The following MAP2K5 variants were observed in gnomAD, a reference collection of about 807,000 sequenced individuals.
The protein encoded by MAP2K5 is mitogen-activated protein kinase kinase 5.
Under a neutral mutation model 83.1 loss-of-function variants are expected in MAP2K5, and 49 were observed. That is an observed-to-expected ratio of 0.59 (90% CI 0.47 to 0.75). The LOEUF (loss-of-function observed/expected upper bound fraction) is 0.75, where lower values mean the gene tolerates loss of function less well. Ranked by LOEUF, MAP2K5 falls within the 30% of genes least tolerant of loss-of-function variation. The pLI is 0.00. For missense variants in MAP2K5, 457 were observed against 557.5 expected, an observed-to-expected ratio of 0.82 and a Z score of 1.82; for synonymous variants, 202 against 191.8, an observed-to-expected ratio of 1.05 and a Z score of -0.44.
intron 21 of MAP2K5, among the ~76,000 whole-genome samples, chr15:67,791,046 G>A (rs376470332): frequency 3.9e-5 from 6 of 152,300 alleles, no homozygotes; most frequent in African/African-American, 1.2e-4. Flanking sequence ...AGCTCCTCAC[G>A]CCATGAATAG....
rs916246989 is a variant in MAP2K5 at position 67,563,644 on chromosome 15, G to A, written c.252+294G>A. ...CTGTATTTTTTATGCAGTACTTAAA[G>A]TAACGGCTCATTAAAAATGAACCCC... On this transcript the variant is annotated intron_variant, in intron 3 of 21. Transcript: ENST00000178640. This position sits in a 1 kb window ranked among gnomAD's most constrained non-coding sequence, Gnocchi z 4.5. Among the ~76,000 whole-genome samples, 2 of 152,042 alleles carry A rather than the reference G, an allele frequency of 1.3e-5. No individual in the cohort carries two copies. The highest frequency in any genetic ancestry group is 2.9e-5 in the Non-Finnish European group (2 of 68,008).
At chr15:67,621,454 A>T (rs1299597045) in intron 8 of MAP2K5, among the ~76,000 whole-genome samples, 2 of 151,140 alleles carry the variant, frequency 1.3e-5, no homozygotes, top group Non-Finnish European at 3.0e-5. Flanking sequence ...AAAAAAGAAC[A>T]AAAGTTAATT....
In MAP2K5 at chr15:67,747,112, AG is replaced by A. The variant is rs1285169029; in HGVS notation, c.1075-1117del. On this transcript the variant is annotated intron_variant, in intron 17 of 21. Coordinates refer to ENST00000178640, the MANE Select transcript of MAP2K5 (RefSeq NM_145160.3). The surrounding 1 kb of genome is among the most constrained non-coding windows in gnomAD (Gnocchi z 4.1). ...CCAGCACCACCACACCCTGGCGCTG[AG>A]GCCTCAGGCCCGGACACTGTCCTCT... Among the ~76,000 whole-genome samples, 4 of 152,234 alleles carry A rather than the reference AG, an allele frequency of 2.6e-5. No individual in the cohort carries two copies. The highest frequency in any genetic ancestry group is 5.9e-5 in the Non-Finnish European group (4 of 68,036).
rs551968793 is a variant in MAP2K5, at chr15:67,693,703, A to G, written c.972+135A>G. Reference sequence around the variant, plus strand: ...AAATTGCAAAGTCAATCTAGTCATGATCTGATTTTTAAATCTTTCTAAAAG... The same window carrying G: ...AAATTGCAAAGTCAATCTAGTCATGGTCTGATTTTTAAATCTTTCTAAAAG... On this transcript the variant is annotated intron_variant, in intron 15 of 21. Transcript: ENST00000178640. The G allele has an allele frequency of 4.2e-5, 27 of 638,748 alleles. No individual in the cohort carries two copies. In the East Asian group the frequency reaches 7.1e-4, roughly 17 times the overall value. The allele number at this position is 638,748 out of a possible 1,614,324, so 39.6% of individuals were successfully genotyped here.
chr15:67,622,123 C>T (rs1217137774), intron 8 of MAP2K5, among the ~76,000 whole-genome samples: 2 of 121,616 alleles, frequency 1.6e-5, no homozygotes, highest in African/African-American at 6.4e-5. Context: ...CCAGCCTGGG[C>T]AACAGAGTGA....
chr15:67,608,960 C>T (rs1221221530), intron 8 of MAP2K5, among the ~76,000 whole-genome samples: 1 of 152,158 alleles, frequency 6.6e-6, no homozygotes, highest in African/African-American at 2.4e-5. Context: ...CAGGAATTTA[C>T]CTGCAGAGGC....
At chr15:67,626,175 A>G (rs1459652213) in intron 8 of MAP2K5, among the ~76,000 whole-genome samples, 3 of 152,312 alleles carry the variant, frequency 2.0e-5, no homozygotes, top group African/African-American at 7.2e-5. Context: ...ACAAAGTCTT[A>G]CGTATTATGT....
intron 16 of MAP2K5, among the ~76,000 whole-genome samples, chr15:67,709,997 G>A (rs964660019): frequency 6.6e-6 from 1 of 152,150 alleles, no homozygotes; most frequent in African/African-American, 2.4e-5. Flanking sequence ...TAATCTGACA[G>A]ACTTTTCTAT....
intron 13 of MAP2K5, among the ~76,000 whole-genome samples, chr15:67,673,581 T>C (rs1804878094): frequency 6.6e-6 from 1 of 152,080 alleles, no homozygotes; most frequent in Non-Finnish European, 1.5e-5. Context: ...TGTGTAAAAG[T>C]TGGGATTTGG....
At position 67,724,710 on chromosome 15, in the gene MAP2K5, C is replaced by A. The variant is rs942436194; in HGVS notation, c.1045-3206C>A. On this transcript the variant is annotated intron_variant, in intron 16 of 21. Coordinates refer to ENST00000178640, the MANE Select transcript of MAP2K5 (RefSeq NM_145160.3). This position sits in a 1 kb window ranked among gnomAD's most constrained non-coding sequence, Gnocchi z 4.4. ...TTTCTATAAGACAAATAGTGTGGAA[C>A]ATAAACACTGTAGCTGCATTAGACC... Among the ~76,000 whole-genome samples the A allele has an allele frequency of 3.3e-5, 5 of 152,172 alleles. No individual in the cohort carries two copies. The highest frequency in any genetic ancestry group is 7.3e-5 in the Non-Finnish European group (5 of 68,030).
intron 13 of MAP2K5, among the ~76,000 whole-genome samples, chr15:67,680,259 C>T (rs1322941746): frequency 2.6e-5 from 4 of 152,038 alleles, no homozygotes; most frequent in African/African-American, 4.8e-5. Context: ...CACTTTGGGA[C>T]GATTATGAAT....
rs536760274 is a variant in MAP2K5 at position 67,749,839 on chromosome 15, C to G, written c.1134+1238C>G. ...CCCCATCAGAATCCTCCCAATTTAA[C>G]TGGTTTTCCTGAGGTCCCCCTCCAG... On this transcript the variant is annotated intron_variant, in intron 19 of 21. Transcript: ENST00000178640. The surrounding 1 kb of genome is among the most constrained non-coding windows in gnomAD (Gnocchi z 4.6). Among the ~76,000 whole-genome samples, 2 of 152,328 alleles carry G rather than the reference C, an allele frequency of 1.3e-5. No homozygotes were observed. The highest frequency in any genetic ancestry group is 3.9e-4 in the East Asian group (2 of 5,184).
In MAP2K5 at chr15:67,644,228, C is replaced by T. The variant is rs1039241134; in HGVS notation, c.586-2003C>T. ...GGCCAACATGGTGAAACCCTGTCTG[C>T]GCTAAAAATAGAAAAATCAACCGGG... On this transcript the variant is annotated intron_variant, in intron 9 of 21. Coordinates refer to ENST00000178640, the MANE Select transcript of MAP2K5 (RefSeq NM_145160.3). This position sits in a 1 kb window ranked among gnomAD's most constrained non-coding sequence, Gnocchi z 4.6. 1.6e-4 allele frequency among the ~76,000 whole-genome samples: 24 copies of T among 152,082 alleles called. No individual in the cohort carries two copies. Among genetic ancestry groups the T allele is most frequent in the African/African-American group, 5.1e-4 (21 of 41,490 alleles).
rs1476697302 is a variant in MAP2K5 at position 67,587,681 on chromosome 15, C to G, written c.431+768C>G. Among the ~76,000 whole-genome samples the G allele has an allele frequency of 6.6e-6, 1 of 152,152 alleles. No homozygotes were observed. The highest frequency in any genetic ancestry group is 2.4e-5 in the African/African-American group (1 of 41,428). On this transcript the variant is annotated intron_variant, in intron 6 of 21. Coordinates refer to ENST00000178640, the MANE Select transcript of MAP2K5 (RefSeq NM_145160.3). This position sits in a 1 kb window ranked among gnomAD's most constrained non-coding sequence, Gnocchi z 4.8. ...CCACTCATAACGTTTTAGTTAAGCC[C>G]TCAGAACGTGGTTGTTCCCTCTTCC...
chr15:67,648,486 A>G (rs2086879121), intron 11 of MAP2K5, among the ~76,000 whole-genome samples: 1 of 151,850 alleles, frequency 6.6e-6, no homozygotes, highest in South Asian at 2.1e-4. Context: ...GTTGATGGAC[A>G]TTTGGGATAG....
intron 7 of MAP2K5, 101 bp from the exon 8 acceptor site, chr15:67,600,584 A>G: frequency 1.2e-6 from 1 of 837,100 alleles, no homozygotes. Context: ...TGAACTTGAA[A>G]TGACCCAGAC....
At position 67,690,363 on chromosome 15, in the gene MAP2K5, T is replaced by TG. The variant is rs1002511348; in HGVS notation, c.848-2110dup. ...CTTAAGGAATTCATGTTCTGGTTGG[T>TG]GGGGGGCATGTCAGAGAATACTTAA... On this transcript the variant is annotated intron_variant, in intron 13 of 21. Transcript: ENST00000178640. This position sits in a 1 kb window ranked among gnomAD's most constrained non-coding sequence, Gnocchi z 4.3. 9.2e-5 allele frequency among the ~76,000 whole-genome samples: 14 copies of TG among 152,064 alleles called. No individual in the cohort carries two copies. Among genetic ancestry groups the TG allele is most frequent in the East Asian group, 1.9e-4 (1 of 5,184 alleles).
At chr15:67,622,868 G>A (rs1779060357) in intron 8 of MAP2K5, among the ~76,000 whole-genome samples, 1 of 152,178 alleles carries the variant, frequency 6.6e-6, no homozygotes, top group Admixed American at 6.5e-5. Flanking sequence ...GGAGGTCGAG[G>A]CAGGTGGATC....
chr15:67,739,422 CTATATATATATATATATATATATATA>C (rs1381294022), intron 17 of MAP2K5, among the ~76,000 whole-genome samples: 4 of 46,642 alleles, frequency 8.6e-5, no homozygotes, highest in Non-Finnish European at 1.6e-4. Context: ...TTGTGTGTGA[CTATATATATATATATATATATATATA>C]TATATATATA....
Sources: gnomAD v4.1 joint callset for allele counts (sites outside exome capture counted in the v4.1 genomes callset) on GRCh38, gnomAD v4.1.1 for gene constraint, Gnocchi (gnomAD v3.1) non-coding constraint, MANE v1.5 for transcripts, NCBI Gene and HGNC (gene_info 2026-07-23, HGNC 2026-07-21) for gene names.